The following CHCHD3 variants were observed in gnomAD, a reference collection of about 807,000 sequenced individuals.
The protein encoded by CHCHD3 is coiled-coil-helix-coiled-coil-helix domain containing 3, also known as MICOS complex subunit MIC19.
Under a neutral mutation model 38.2 loss-of-function variants are expected in CHCHD3, and 20 were observed. The observed-to-expected ratio is 0.52, with a 90% CI of 0.37 to 0.76. CHCHD3 has a LOEUF of 0.76. CHCHD3 is among the 30% of genes least tolerant of loss of function. The probability of loss-of-function intolerance (pLI) is 0.00; values close to 1 mark genes in which losing one functional copy is unlikely to be tolerated. For synonymous variants in CHCHD3, 82 were observed against 100.0 expected, an observed-to-expected ratio of 0.82 and a Z score of 1.07; for missense variants, 245 against 279.2, an observed-to-expected ratio of 0.88 and a Z score of 0.87.
In CHCHD3 at chr7:132,961,525, C is replaced by G. The variant is rs1373040955; in HGVS notation, c.369+13644G>C. 3.9e-5 allele frequency among the ~76,000 whole-genome samples: 6 copies of G among 151,984 alleles called. No individual in the cohort carries two copies. In the South Asian group the frequency reaches 1.2e-3, roughly 32 times the overall value. The stretch of plus-strand genomic sequence containing the variant: ...ATGCAGCATGATGACTTTATATATA[C>G]ATATACAATATAAAATGACTACCAC... On this transcript the variant is annotated intron_variant, in intron 4 of 7. Coordinates refer to ENST00000262570, the MANE Select transcript of CHCHD3 (RefSeq NM_017812.4).
intron 1 of CHCHD3, among the ~76,000 whole-genome samples, chr7:133,080,808 A>G (rs1815151333): frequency 6.6e-6 from 1 of 152,238 alleles, no homozygotes; most frequent in Non-Finnish European, 1.5e-5. Context: ...AAAAGTTTTT[A>G]AACATTTTAA....
chr7:133,076,634 C>T (rs1814998936), intron 1 of CHCHD3, among the ~76,000 whole-genome samples: 1 of 152,238 alleles, frequency 6.6e-6, no homozygotes, highest in Non-Finnish European at 1.5e-5. Context: ...CCACTCATCT[C>T]TTCCTACCCA....
intron 6 of CHCHD3, among the ~76,000 whole-genome samples, chr7:132,836,971 G>C (rs4731903): frequency 0.22 from 33,099 of 151,914 alleles, 4,239 homozygotes; most frequent in East Asian, 0.37. Flanking sequence ...GTTTTATCTT[G>C]CACCAGTCTT....
chr7:132,887,427 C>T (rs1256473768), intron 4 of CHCHD3, among the ~76,000 whole-genome samples: 2 of 149,694 alleles, frequency 1.3e-5, no homozygotes, highest in Admixed American at 1.3e-4. Context: ...ACATAAAAAC[C>T]CAAAATATAA....
intron 4 of CHCHD3, among the ~76,000 whole-genome samples, chr7:132,963,397 C>T (rs553495204): frequency 1.8e-4 from 25 of 140,372 alleles, no homozygotes; most frequent in East Asian, 1.7e-3. Context: ...TTTGGGAGGC[C>T]AAGGCGGGCG....
intron 3 of CHCHD3, among the ~76,000 whole-genome samples, chr7:133,018,054 G>A (rs550084086): frequency 1.9e-4 from 29 of 151,860 alleles, no homozygotes; most frequent in African/African-American, 6.8e-4. Flanking sequence ...AGAATCAAAT[G>A]GAAAAGTATG....
At chr7:132,875,116 T>C (rs914477121) in intron 5 of CHCHD3, among the ~76,000 whole-genome samples, 1 of 152,166 alleles carries the variant, frequency 6.6e-6, no homozygotes, top group Non-Finnish European at 1.5e-5. Flanking sequence ...GGTGATATAC[T>C]GGGATAAATT....
chr7:132,897,903 A>C (rs1443814731), intron 4 of CHCHD3, among the ~76,000 whole-genome samples: 5 of 152,134 alleles, frequency 3.3e-5, no homozygotes, highest in African/African-American at 9.7e-5. Context: ...ACAGTTCTTA[A>C]AGGCAGCGTG....
At chr7:132,825,521 T>C (rs1807487979) in intron 6 of CHCHD3, among the ~76,000 whole-genome samples, 1 of 152,260 alleles carries the variant, frequency 6.6e-6, no homozygotes, top group African/African-American at 2.4e-5. Flanking sequence ...ATGAATTCTA[T>C]ACCAGCAATG....
intron 4 of CHCHD3, among the ~76,000 whole-genome samples, chr7:132,943,236 A>G (rs991613014): frequency 6.6e-6 from 1 of 152,162 alleles, no homozygotes; most frequent in African/African-American, 2.4e-5. Context: ...AAAGAGACTA[A>G]TGTTCGTTTT....
intron 2 of CHCHD3, among the ~76,000 whole-genome samples, chr7:133,068,500 T>C (rs1308033813): frequency 1.3e-5 from 2 of 152,214 alleles, no homozygotes; most frequent in East Asian, 3.9e-4. Context: ...GCTCAGACTA[T>C]ATTCTGTGTA....
At chr7:133,050,382 A>G (rs1175048510) in intron 2 of CHCHD3, among the ~76,000 whole-genome samples, 1 of 147,076 alleles carries the variant, frequency 6.8e-6, no homozygotes, top group East Asian at 2.0e-4. Context: ...AAAATGCAGA[A>G]TGAGAGTCAG....
At chr7:132,907,676 C>A (rs966155939) in intron 4 of CHCHD3, among the ~76,000 whole-genome samples, 1 of 151,998 alleles carries the variant, frequency 6.6e-6, no homozygotes, top group Admixed American at 6.6e-5. Flanking sequence ...ATGGGGGGGC[C>A]GCTAAAGGTT....
intron 2 of CHCHD3, among the ~76,000 whole-genome samples, chr7:133,034,005 C>T (rs1370849455): frequency 6.6e-6 from 1 of 152,130 alleles, no homozygotes; most frequent in Non-Finnish European, 1.5e-5. Flanking sequence ...ACTCATCTAC[C>T]CCCAAACTGT....
intron 3 of CHCHD3, among the ~76,000 whole-genome samples, chr7:133,013,253 A>G (rs1427356670): frequency 6.6e-6 from 1 of 151,834 alleles, no homozygotes; most frequent in East Asian, 1.9e-4. Flanking sequence ...GGATCAGAAA[A>G]TAATTTAGCC....
intron 5 of CHCHD3, among the ~76,000 whole-genome samples, chr7:132,850,049 T>C (rs145639531): frequency 6.6e-6 from 1 of 152,342 alleles, no homozygotes; most frequent in African/African-American, 2.4e-5. Context: ...TGCTTTTTTG[T>C]ACACCTCATG....
At chr7:132,831,763 A>G (rs545921598) in intron 6 of CHCHD3, among the ~76,000 whole-genome samples, 1 of 152,308 alleles carries the variant, frequency 6.6e-6, no homozygotes, top group South Asian at 2.1e-4. Context: ...TTAATCTAAT[A>G]TTTCCAAAAT....
intron 6 of CHCHD3, among the ~76,000 whole-genome samples, chr7:132,806,936 G>A (rs1314376281): frequency 6.6e-6 from 1 of 152,154 alleles, no homozygotes; most frequent in Non-Finnish European, 1.5e-5. Flanking sequence ...GACCTGGTGT[G>A]GTTAAGGAAT....
chr7:132,933,326 C>A (rs555232559), intron 4 of CHCHD3, among the ~76,000 whole-genome samples: 1 of 152,268 alleles, frequency 6.6e-6, no homozygotes, highest in South Asian at 2.1e-4. Context: ...TAAGAAGGGG[C>A]CACGTGATTT....
Sources: gnomAD v4.1 joint callset for allele counts (sites outside exome capture counted in the v4.1 genomes callset) on GRCh38, gnomAD v4.1.1 for gene constraint, MANE v1.5 for transcripts, NCBI Gene and HGNC (gene_info 2026-07-23, HGNC 2026-07-21) for gene names.